TSHZ1: variants seen among roughly 807,000 people sequenced by gnomAD.
The protein encoded by TSHZ1 is teashirt homolog 1.
A neutral mutation model predicts 67.1 loss-of-function variants in TSHZ1; 12 were observed. The observed-to-expected ratio is 0.18, with a 90% CI of 0.11 to 0.29. TSHZ1 has a LOEUF of 0.29. Among genes scored for constraint, TSHZ1 ranks in the 10% least tolerant of loss-of-function variants. The probability of loss-of-function intolerance (pLI) is 1.00; values close to 1 mark genes in which losing one functional copy is unlikely to be tolerated. For missense variants in TSHZ1, 1,305 were observed against 1,413.9 expected (o/e 0.92, Z 1.23); for synonymous variants, 632 against 622.4 (o/e 1.02, Z -0.23).
At chr18:75,233,799 A>G (rs1325987848) in intron 1 of TSHZ1, among the ~76,000 whole-genome samples, 6 of 152,122 alleles carry the variant, frequency 3.9e-5, no homozygotes, top group Non-Finnish European at 7.4e-5. Context: ...GTCGAAGTCT[A>G]CCTTGCAGCA....
chr18:75,266,143 G>A (rs1229158798), intron 1 of TSHZ1, among the ~76,000 whole-genome samples: 1 of 152,212 alleles, frequency 6.6e-6, no homozygotes, highest in African/African-American at 2.4e-5. Flanking sequence ...AAGGGTGACA[G>A]ACCACAGCCC....
At position 75,289,140 on chromosome 18, in the gene TSHZ1, A is replaced by C. The variant is rs2023828135; in HGVS notation, c.*499A>C. On this transcript the variant is annotated 3_prime_UTR_variant, in exon 2 of 2. Transcript: ENST00000580243. ...AGATCAAAAGCTGTGTCAGACACAAAACTTATTTAATAATTAAAAAATGAG... is the reference window on the plus strand; with the variant it reads ...AGATCAAAAGCTGTGTCAGACACAACACTTATTTAATAATTAAAAAATGAG... 1 of 167,142 alleles carries C rather than the reference A, an allele frequency of 6.0e-6. No homozygotes were observed. The highest frequency in any genetic ancestry group is 1.5e-5 in the Non-Finnish European group (1 of 68,202). 10.4% of individuals were successfully genotyped at this position (167,142 alleles called of 1,614,324 possible).
chr18:75,281,319 G>C lies in TSHZ1; in HGVS notation c.41-4129G>C, dbSNP rs749927637. 6.6e-6 allele frequency among the ~76,000 whole-genome samples: 1 copy of C among 152,212 alleles called. No individual in the cohort carries two copies. Among genetic ancestry groups the C allele is most frequent in the Non-Finnish European group, 1.5e-5 (1 of 68,032 alleles). ...CTCTCGTTTGGGGTTATTCGGTAAC[G>C]TCTGAATCTGGAGATTCAGAAGGAG... On this transcript the variant is annotated intron_variant, in intron 1 of 1. Transcript: ENST00000580243. This position sits in a 1 kb window ranked among gnomAD's most constrained non-coding sequence, Gnocchi z 5.3.
intron 1 of TSHZ1, among the ~76,000 whole-genome samples, chr18:75,269,789 C>T (rs773310752): frequency 5.9e-5 from 9 of 152,132 alleles, no homozygotes; most frequent in Non-Finnish European, 8.8e-5. Context: ...AACTCGGTAC[C>T]CATTGAACAG....
rs200266026 is a variant in TSHZ1, at chr18:75,286,569, C to T, written c.1162C>T (p.Pro388Ser). The T allele has an allele frequency of 6.0e-5, 97 of 1,614,092 alleles. No individual in the cohort carries two copies. Among genetic ancestry groups the T allele is most frequent in the Admixed American group, 6.7e-5 (4 of 60,014 alleles). The change falls in exon 2 of 2, where the codon CCG (proline) becomes TCG (serine). Residue 388 changes from proline (P) to serine (S), a missense_variant. By Grantham distance (74) the Pro-to-Ser change is moderately conservative. Coordinates refer to ENST00000580243, the MANE Select transcript of TSHZ1 (RefSeq NM_001308210.2). The surrounding 1 kb of genome is among the most constrained non-coding windows in gnomAD (Gnocchi z 5.1). ...AGCCAAGGATCAGAAAGCAGCGAAC[C>T]CGTACGTCACGCCCAATAACCGCTA... ...ESAKDQKAAN[P>S]YVTPNNRYGY...
intron 1 of TSHZ1, among the ~76,000 whole-genome samples, chr18:75,247,918 G>T (rs1568359700): frequency 6.8e-6 from 1 of 147,998 alleles, no homozygotes; most frequent in Non-Finnish European, 1.5e-5. Context: ...GATAGCAAAA[G>T]ATTTTATTTA....
chr18:75,274,052 C>T (rs1004735592), intron 1 of TSHZ1, among the ~76,000 whole-genome samples: 10 of 152,142 alleles, frequency 6.6e-5, no homozygotes, highest in East Asian at 1.9e-4. Context: ...CTGGTTCATA[C>T]GGTTCCTTGC....
chr18:75,221,570 G>A (rs1389619477), intron 1 of TSHZ1, among the ~76,000 whole-genome samples: 1 of 152,222 alleles, frequency 6.6e-6, no homozygotes, highest in Non-Finnish European at 1.5e-5. Flanking sequence ...TGGTGCCTGT[G>A]TCATTGTTAT....
At chr18:75,237,238 C>T (rs1478478046) in intron 1 of TSHZ1, among the ~76,000 whole-genome samples, 2 of 152,172 alleles carry the variant, frequency 1.3e-5, no homozygotes, top group Non-Finnish European at 2.9e-5. Flanking sequence ...TAAGAACAGT[C>T]AGGCCAGGTG....
At chr18:75,252,863 T>C (rs894751153) in intron 1 of TSHZ1, among the ~76,000 whole-genome samples, 11 of 151,980 alleles carry the variant, frequency 7.2e-5, no homozygotes, top group Admixed American at 5.9e-4. Flanking sequence ...TTAAATAATA[T>C]AGCTTTCTAC....
intron 1 of TSHZ1, among the ~76,000 whole-genome samples, chr18:75,250,480 T>TGCCCTCCC (rs2023286537): frequency 1.3e-5 from 2 of 152,212 alleles, no homozygotes; most frequent in Non-Finnish European, 2.9e-5. Context: ...CAAGCCCTCC[T>TGCCCTCCC]GCCCTCCCCG....
chr18:75,248,655 T>A (rs2023253794), intron 1 of TSHZ1, among the ~76,000 whole-genome samples: 1 of 152,222 alleles, frequency 6.6e-6, no homozygotes, highest in Non-Finnish European at 1.5e-5. Flanking sequence ...AAGAAATTTT[T>A]CCCCTCATTT....
chr18:75,243,955 A>G (rs1343294288), intron 1 of TSHZ1, among the ~76,000 whole-genome samples: 1 of 152,210 alleles, frequency 6.6e-6, no homozygotes, highest in Non-Finnish European at 1.5e-5. Context: ...CTCAAACTCC[A>G]TGTAGCTTGG....
At chr18:75,215,290 C>G (rs557433421) in intron 1 of TSHZ1, among the ~76,000 whole-genome samples, 5 of 152,154 alleles carry the variant, frequency 3.3e-5, no homozygotes, top group Non-Finnish European at 5.9e-5. Flanking sequence ...CACACCGGGC[C>G]GTCTCCAGTG....
chr18:75,249,167 A>G (rs1355222199), intron 1 of TSHZ1, among the ~76,000 whole-genome samples: 3 of 152,092 alleles, frequency 2.0e-5, no homozygotes, highest in African/African-American at 7.2e-5. Context: ...GCGGCCACCC[A>G]GGCCCCACCT....
At chr18:75,277,140 G>A (rs1052282829) in intron 1 of TSHZ1, among the ~76,000 whole-genome samples, 6 of 152,160 alleles carry the variant, frequency 3.9e-5, no homozygotes, top group African/African-American at 7.2e-5. Flanking sequence ...GGGCCCAGCC[G>A]GTCCATGGCC....
intron 1 of TSHZ1, among the ~76,000 whole-genome samples, chr18:75,242,617 C>G (rs1398809611): frequency 6.6e-6 from 1 of 152,170 alleles, no homozygotes; most frequent in Non-Finnish European, 1.5e-5. Context: ...CATCTTCAAA[C>G]AAAATGGTAG....
chr18:75,219,405 T>A (rs1487343438), intron 1 of TSHZ1, among the ~76,000 whole-genome samples: 2 of 152,216 alleles, frequency 1.3e-5, no homozygotes, highest in African/African-American at 4.8e-5. Context: ...TGAATATAAT[T>A]TTTGGGACAG....
In TSHZ1 at chr18:75,287,739, A is replaced by G. The variant is rs1326694211; in HGVS notation, c.2332A>G (p.Ser778Gly). The change falls in exon 2 of 2, where the codon AGC (serine) becomes GGC (glycine). Residue 778 changes from serine to glycine, a missense_variant. Physicochemically the swap from Ser to Gly is moderately conservative, Grantham distance 56. Around this residue, in one of 3 missense-constraint regions of TSHZ1, gnomAD observed 909 missense variants for 961.8 expected, o/e 0.95. Coordinates refer to ENST00000580243, the MANE Select transcript of TSHZ1 (RefSeq NM_001308210.2). The surrounding 1 kb of genome is among the most constrained non-coding windows in gnomAD (Gnocchi z 5.0). The part of the protein sequence containing the change: ...LDPLAMLYKI[S>G]NSMLDKPVYP... ...CCCGCTGGCGATGCTGTACAAGATC[A>G]GCAACAGCATGCTGGACAAGCCGGT... The G allele has an allele frequency of 6.2e-7, 1 of 1,613,972 alleles. No homozygotes were observed. Among genetic ancestry groups the G allele is most frequent in the Non-Finnish European group, 8.5e-7 (1 of 1,180,052 alleles).
Sources: allele counts gnomAD v4.1 joint callset (sites outside exome capture counted in the v4.1 genomes callset), GRCh38; gene constraint gnomAD v4.1.1; regional missense constraint gnomAD v4.1.1; non-coding constraint Gnocchi (gnomAD v3.1); transcripts MANE v1.5; gene names NCBI Gene and HGNC (gene_info 2026-07-23, HGNC 2026-07-21).